Variants in CNDP2 observed in about 807,000 individuals in gnomAD.
CNDP2 encodes cytosolic non-specific dipeptidase.
Under a neutral mutation model 55.0 loss-of-function variants are expected in CNDP2, and 38 were observed. The observed-to-expected ratio is 0.69, with a 90% CI of 0.53 to 0.90. The LOEUF (loss-of-function observed/expected upper bound fraction) is 0.90, where lower values mean the gene tolerates loss of function less well. CNDP2 is among the 40% of genes least tolerant of loss of function. The pLI is 0.00. For synonymous variants in CNDP2, 241 were observed against 260.2 expected (o/e 0.93, Z 0.71); for missense variants, 607 against 621.7 (o/e 0.98, Z 0.25).
At chr18:74,518,925 T>A in intron 10 of CNDP2, 24 bp from the exon 11 acceptor site, 1 of 1,569,614 alleles carries the variant, frequency 6.4e-7, no homozygotes, top group Non-Finnish European at 8.6e-7. Context: ...AGCTCACCGT[T>A]TATTTTATTT....
chr18:74,508,910 G>A lies in CNDP2; in HGVS notation c.438G>A (p.Ala146=), dbSNP rs1038358235. 18 of 1,613,946 alleles carry A rather than the reference G, an allele frequency of 1.1e-5. No individual in the cohort carries two copies. In the East Asian group the frequency reaches 1.8e-4, roughly 16 times the overall value. Residue 146 remains alanine (A), a synonymous_variant, in exon 5 of 12, where the codon GCG becomes GCA. Coordinates refer to ENST00000324262, the MANE Select transcript of CNDP2 (RefSeq NM_018235.3). The part of the protein sequence containing the change: ...PVAGWINALE[A]YQKTGQEIPV... ...CCGGCTGGATAAACGCCCTGGAAGCGTATCAGAAAACAGGCCAGGTATGCC... is the reference window on the plus strand; with the variant it reads ...CCGGCTGGATAAACGCCCTGGAAGCATATCAGAAAACAGGCCAGGTATGCC...
chr18:74,508,778 G>A (rs2144592011), intron 4 of CNDP2, 62 bp from the exon 5 acceptor site: 4 of 1,381,914 alleles, frequency 2.9e-6, no homozygotes, highest in Non-Finnish European at 4.1e-6. Context: ...GTGCACCTGA[G>A]ACACGCTGCT....
chr18:74,501,310 G>C lies in CNDP2; in HGVS notation c.61-19G>C. On this transcript the variant is annotated intron_variant, in intron 2 of 11. Transcript: ENST00000324262. ...GGACACCTTTTCAGAATCCCTCGTT[G>C]CTTCTTGTCCACAAACAGAAACTCG... is the stretch of plus-strand genomic sequence containing the variant. 6.2e-7 allele frequency: 1 copy of C among 1,609,210 alleles called. No homozygotes were observed. Among genetic ancestry groups the C allele is most frequent in the South Asian group, 1.1e-5 (1 of 90,552 alleles).
intron 6 of CNDP2, chr18:74,512,064 C>T (rs17089360): frequency 0.027 from 5,194 of 193,914 alleles, 112 homozygotes; most frequent in East Asian, 0.1. Context: ...AGTGCAAGGG[C>T]GAGGTCCGAC....
chr18:74,502,068 TAG>T (rs1467435628), intron 3 of CNDP2, among the ~76,000 whole-genome samples: 1 of 152,180 alleles, frequency 6.6e-6, no homozygotes, highest in Non-Finnish European at 1.5e-5. Context: ...ATATTTTTTG[TAG>T]AGACGGGGTT....
chr18:74,504,258 A>G (rs1461578210), intron 3 of CNDP2, among the ~76,000 whole-genome samples: 1 of 148,262 alleles, frequency 6.7e-6, no homozygotes, highest in African/African-American at 2.5e-5. Flanking sequence ...GCTGGGACAA[A>G]TGATGGGCGT....
rs762958811 is a variant in CNDP2 at position 74,513,657 on chromosome 18, G to A, written c.841G>A (p.Asp281Asn). ...GGAGCACAAGCTGTACGACGACATCGACTTTGACATAGAGGAGTTTGCCAA... is the reference window on the plus strand; with the variant it reads ...GGAGCACAAGCTGTACGACGACATCAACTTTGACATAGAGGAGTTTGCCAA... ...EEEHKLYDDIDFDIEEFAKDV... is the reference protein window; with the variant it reads ...EEEHKLYDDINFDIEEFAKDV... Residue 281 changes from aspartate (D) to asparagine (N), a missense_variant, in exon 8 of 12, where the codon GAC (aspartate) becomes AAC (asparagine). Physicochemically the swap from Asp to Asn is conservative, Grantham distance 23. Transcript: ENST00000324262. The A allele has an allele frequency of 8.7e-6, 14 of 1,613,920 alleles. No individual in the cohort carries two copies. Among genetic ancestry groups the A allele is most frequent in the South Asian group, 5.5e-5 (5 of 91,086 alleles).
At chr18:74,513,742 G>A in intron 8 of CNDP2, 23 bp downstream of exon 8, 1 of 1,608,390 alleles carries the variant, frequency 6.2e-7, no homozygotes, top group Non-Finnish European at 8.5e-7. Flanking sequence ...GCTCGACTCT[G>A]CCACCTGCCC....
At chr18:74,513,507 C>CG (rs1979472317) in intron 7 of CNDP2, 52 bp from the exon 8 acceptor site, 39 of 1,548,438 alleles carry the variant, frequency 2.5e-5, no homozygotes, top group Non-Finnish European at 3.3e-5. Context: ...AAGAGCAGCT[C>CG]GCCTTGGTGC....
chr18:74,518,761 G>C, intron 10 of CNDP2, 121 bp downstream of exon 10: 13 of 1,466,624 alleles, frequency 8.9e-6, no homozygotes, highest in Non-Finnish European at 1.2e-5. Flanking sequence ...GGGGCGTGTA[G>C]TTAAGTCAGC....
chr18:74,502,598 A>G (rs557899604), intron 3 of CNDP2, among the ~76,000 whole-genome samples: 1 of 151,760 alleles, frequency 6.6e-6, no homozygotes, highest in Admixed American at 6.6e-5. Context: ...CTCTTACTGT[A>G]TGTTATTTCA....
chr18:74,501,410 G>A lies in CNDP2; in HGVS notation c.142G>A (p.Ala48Thr), dbSNP rs779095440. 2 of 1,614,122 alleles carry A rather than the reference G, an allele frequency of 1.2e-6. No homozygotes were observed. Among genetic ancestry groups the A allele is most frequent in the East Asian group, 4.5e-5 (2 of 44,882 alleles). ...CGAAATCAGGAGGATGATGGAAGTT[G>A]CTGCTGCAGATGTTAAGCAGTTGGG... ...RGEIRRMMEV[A>T]AADVKQLGGS... Residue 48 changes from alanine (A) to threonine (T), a missense_variant, in exon 3 of 12, where the codon GCT becomes ACT. Ala to Thr is a moderately conservative substitution (Grantham distance 58). Coordinates refer to ENST00000324262, the MANE Select transcript of CNDP2 (RefSeq NM_018235.3).
chr18:74,518,866 G>C, intron 10 of CNDP2, 83 bp from the exon 11 acceptor site: 1 of 1,577,526 alleles, frequency 6.3e-7, no homozygotes, highest in African/African-American at 1.3e-5. Flanking sequence ...ATCTGACTGA[G>C]TGCTACTGAG....
chr18:74,499,891 C>T lies in CNDP2; in HGVS notation c.-83C>T. The T allele has an allele frequency of 4.7e-6, 6 of 1,278,304 alleles. No individual in the cohort carries two copies. The South Asian group carries it at 7.6e-5, about 16-fold the overall frequency. 79.2% of individuals were successfully genotyped at this position (1,278,304 alleles called of 1,614,324 possible). A position where few individuals can be genotyped will look rare whatever the true frequency, so the allele number is the denominator to read the frequency against. On this transcript the variant is annotated 5_prime_UTR_variant, in exon 2 of 12. Transcript: ENST00000324262. ...CGTGCTTTCTGGGCAGGTCGCCCCT[C>T]AGTCTCCACTAGAGACAGGACTGAC...
chr18:74,513,723 T>A lies in CNDP2; in HGVS notation c.903+4T>A. ...GATCCTCCTGCACAGCCACAAGGTC[T>A]GGTTCAGGGCTCGACTCTGCCACCT... On this transcript the variant is annotated splice_donor_region_variant and intron_variant, in intron 8 of 11. Transcript: ENST00000324262. The A allele has an allele frequency of 6.2e-7, 1 of 1,613,188 alleles. No individual in the cohort carries two copies. Among genetic ancestry groups the A allele is most frequent in the South Asian group, 1.1e-5 (1 of 91,012 alleles).
chr18:74,497,292 G>A (rs1050758593), intron 1 of CNDP2, among the ~76,000 whole-genome samples: 1 of 152,190 alleles, frequency 6.6e-6, no homozygotes, highest in African/African-American at 2.4e-5. Flanking sequence ...GTTCTAGCTT[G>A]GGCAGATTGG....
chr18:74,518,647 C>T lies in CNDP2; in HGVS notation c.1210+7C>T, dbSNP rs75936305. 4.4e-3 allele frequency: 7,176 copies of T among 1,614,002 alleles called. 266 individuals are homozygous for T. The East Asian group carries it at 0.086, about 19-fold the overall frequency. Reference sequence around the variant, plus strand: ...AGAAGAGCCATGAAGACAGGTTGGACGCTCTCCTTGTGGATGATGCCGCGC... The same window carrying T: ...AGAAGAGCCATGAAGACAGGTTGGATGCTCTCCTTGTGGATGATGCCGCGC... On this transcript the variant is annotated splice_region_variant and intron_variant, in intron 10 of 11. Coordinates refer to ENST00000324262, the MANE Select transcript of CNDP2 (RefSeq NM_018235.3).
intron 8 of CNDP2, among the ~76,000 whole-genome samples, chr18:74,514,817 GAATT>G (rs1239634219): frequency 6.6e-6 from 1 of 152,196 alleles, no homozygotes; most frequent in Non-Finnish European, 1.5e-5. Context: ...AGCATCAGTT[GAATT>G]AAGCAACTCA....
chr18:74,512,414 G>A (rs1301314600), intron 6 of CNDP2, 34 bp from the exon 7 acceptor site: 1 of 1,579,940 alleles, frequency 6.3e-7, no homozygotes, highest in Admixed American at 1.8e-5. Context: ...CTCCCACTAG[G>A]CAGCCAGACA....
Sources: gnomAD v4.1 joint callset for allele counts (sites outside exome capture counted in the v4.1 genomes callset) on GRCh38, gnomAD v4.1.1 for gene constraint, MANE v1.5 for transcripts, NCBI Gene and HGNC (gene_info 2026-07-23, HGNC 2026-07-21) for gene names.